Variants in CEP85L observed in about 807,000 individuals in gnomAD.
The protein encoded by CEP85L is centrosomal protein 85L, also known as centrosomal protein of 85 kDa-like.
A neutral mutation model predicts 100.3 loss-of-function variants in CEP85L; 60 were observed. The observed-to-expected ratio is 0.60, with a 90% CI of 0.49 to 0.74. The LOEUF is 0.74. Among genes scored for constraint, CEP85L ranks in the 30% least tolerant of loss-of-function variants. The probability of loss-of-function intolerance (pLI) is 0.00; values close to 1 mark genes in which losing one functional copy is unlikely to be tolerated. For synonymous variants in CEP85L, 319 were observed against 322.7 expected, an observed-to-expected ratio of 0.99 and a Z score of 0.12; for missense variants, 973 against 936.2, an observed-to-expected ratio of 1.04 and a Z score of -0.51.
At chr6:118,698,350 G>A (rs773500846) in intron 1 of CEP85L, among the ~76,000 whole-genome samples, 2 of 152,152 alleles carry the variant, frequency 1.3e-5, no homozygotes, top group Non-Finnish European at 1.5e-5. Context: ...CTAGCCACTT[G>A]CTGTTCTCCA....
chr6:118,519,474 G>GTGTGTGTGTGT (rs1475826517), intron 4 of CEP85L, among the ~76,000 whole-genome samples: 1 of 43,206 alleles, frequency 2.3e-5, no homozygotes, highest in Non-Finnish European at 5.3e-5. Context: ...GTGTGTGTGT[G>GTGTGTGTGTGT]GCGGGGGGGG....
intron 1 of CEP85L, among the ~76,000 whole-genome samples, chr6:118,660,122 T>C (rs914316031): frequency 6.6e-6 from 1 of 152,256 alleles, no homozygotes; most frequent in Non-Finnish European, 1.5e-5. Flanking sequence ...ATCTGCTACA[T>C]GTGAACTGGC....
At chr6:118,618,988 C>G (rs1485941459) in intron 2 of CEP85L, among the ~76,000 whole-genome samples, 1 of 152,028 alleles carries the variant, frequency 6.6e-6, no homozygotes, top group African/African-American at 2.4e-5. Context: ...CGGCAGAGGG[C>G]AAGGATGATT....
chr6:118,658,177 T>A (rs922874947), intron 1 of CEP85L, among the ~76,000 whole-genome samples: 2 of 152,222 alleles, frequency 1.3e-5, no homozygotes, highest in Non-Finnish European at 2.9e-5. Flanking sequence ...AACAGACAAG[T>A]CTAACTACAA....
chr6:118,664,662 T>C (rs1776076729), intron 1 of CEP85L: 1 of 152,234 alleles, frequency 6.6e-6, no homozygotes, highest in South Asian at 2.1e-4. Flanking sequence ...GTGGTAACTT[T>C]AAAGTTTTCA....
rs117191030 is a variant in CEP85L, at chr6:118,640,149, G to A, written c.74-7538C>T. Among the ~76,000 whole-genome samples the A allele has an allele frequency of 3.9e-5, 6 of 152,218 alleles. No individual in the cohort carries two copies. In the East Asian group the frequency reaches 1.2e-3, roughly 29 times the overall value. ...TAAGAAAAAAACGTTCATATTAACA[G>A]TAGCCAAACAGAAAAAACCAACAAA... is the stretch of plus-strand genomic sequence containing the variant. On this transcript the variant is annotated intron_variant, in intron 1 of 12. Transcript: ENST00000368491.
intron 2 of CEP85L, among the ~76,000 whole-genome samples, chr6:118,628,126 G>C (rs1008222205): frequency 1.3e-5 from 2 of 151,652 alleles, no homozygotes; most frequent in Admixed American, 6.6e-5. Context: ...AGTATATCAC[G>C]ATCAGCTTTC....
intron 2 of CEP85L, among the ~76,000 whole-genome samples, chr6:118,619,015 G>A (rs1314720882): frequency 3.3e-5 from 5 of 151,800 alleles, no homozygotes; most frequent in African/African-American, 1.2e-4. Flanking sequence ...CTGCCGGTAA[G>A]CGTGGTTAAA....
chr6:118,575,879 G>C (rs892755692), intron 2 of CEP85L, among the ~76,000 whole-genome samples: 1 of 151,812 alleles, frequency 6.6e-6, no homozygotes, highest in Non-Finnish European at 1.5e-5. Flanking sequence ...CCATGCCAAA[G>C]CATCCAAGTT....
chr6:118,547,179 T>C (rs564039023), intron 3 of CEP85L, among the ~76,000 whole-genome samples: 1 of 152,082 alleles, frequency 6.6e-6, no homozygotes, highest in Non-Finnish European at 1.5e-5. Context: ...TATTTTCGAG[T>C]GTGGTGACTT....
At chr6:118,473,392 T>A (rs1773111870) in intron 10 of CEP85L, among the ~76,000 whole-genome samples, 1 of 152,032 alleles carries the variant, frequency 6.6e-6, no homozygotes, top group Non-Finnish European at 1.5e-5. Flanking sequence ...ATATCCAGAG[T>A]TCCTATCAGT....
chr6:118,497,389 A>T (rs1445146557), intron 5 of CEP85L, among the ~76,000 whole-genome samples: 3 of 152,092 alleles, frequency 2.0e-5, no homozygotes, highest in Non-Finnish European at 4.4e-5. Context: ...GGTGTCACTG[A>T]CTCCCAACAC....
intron 12 of CEP85L, 21 bp from the exon 13 acceptor site, chr6:118,465,589 G>C (rs745471809): frequency 6.3e-7 from 1 of 1,597,194 alleles, no homozygotes; most frequent in South Asian, 1.1e-5. Context: ...AAAACATAGA[G>C]AGAATATCTC....
intron 1 of CEP85L, among the ~76,000 whole-genome samples, chr6:118,683,967 A>G (rs1032436242): frequency 6.6e-6 from 1 of 152,222 alleles, no homozygotes; most frequent in African/African-American, 2.4e-5. Context: ...TCTTTCAAAA[A>G]ACTATGTGGA....
At chr6:118,654,244 G>A (rs777979941), upstream of CEP85L, among the ~76,000 whole-genome samples, 8 of 152,208 alleles carry the variant, frequency 5.3e-5, no homozygotes, top group African/African-American at 1.4e-4. Flanking sequence ...TTGTGCCACC[G>A]CACTCAAGCC....
At chr6:118,596,871 G>A (rs768319053) in intron 2 of CEP85L, among the ~76,000 whole-genome samples, 1 of 151,958 alleles carries the variant, frequency 6.6e-6, no homozygotes, top group Non-Finnish European at 1.5e-5. Context: ...AGAACTATTT[G>A]CCCTTTGATA....
intron 6 of CEP85L, among the ~76,000 whole-genome samples, chr6:118,489,926 T>TACAC (rs555720881): frequency 6.6e-6 from 1 of 151,430 alleles, no homozygotes; most frequent in Non-Finnish European, 1.5e-5. Flanking sequence ...AAATGTTATA[T>TACAC]ACACACACAC....
chr6:118,514,157 A>G (rs1301703059), intron 4 of CEP85L, among the ~76,000 whole-genome samples: 1 of 152,218 alleles, frequency 6.6e-6, no homozygotes, highest in East Asian at 1.9e-4. Flanking sequence ...AAGAGATAAC[A>G]GGAATTGTAA....
intron 3 of CEP85L, among the ~76,000 whole-genome samples, chr6:118,552,660 A>AT (rs528021665): frequency 2.9e-4 from 43 of 149,512 alleles, no homozygotes; most frequent in Admixed American, 2.7e-4. Flanking sequence ...CTTGAACTTG[A>AT]TTTTTTTTTT....
Sources: gnomAD v4.1 joint callset for allele counts (sites outside exome capture counted in the v4.1 genomes callset) on GRCh38, gnomAD v4.1.1 for gene constraint, MANE v1.5 for transcripts, NCBI Gene and HGNC (gene_info 2026-07-23, HGNC 2026-07-21) for gene names.